Variants in ABI3BP observed in about 807,000 individuals in gnomAD.
ABI3BP encodes the protein ABI family member 3 binding protein, also known as target of Nesh-SH3.
Under a neutral mutation model 268.6 loss-of-function variants are expected in ABI3BP, and 216 were observed. The ratio of observed to expected loss-of-function variants is 0.80; its 90% CI spans 0.72 to 0.90. The LOEUF (loss-of-function observed/expected upper bound fraction) is 0.90, where lower values mean the gene tolerates loss of function less well. Among genes scored for constraint, ABI3BP ranks in the 40% least tolerant of loss-of-function variants. The probability of loss-of-function intolerance (pLI) is 0.00; values close to 1 mark genes in which losing one functional copy is unlikely to be tolerated. For synonymous variants in ABI3BP, 730 were observed against 730.0 expected (o/e 1.00, Z 0.00); for missense variants, 2,090 against 2,182.4 (o/e 0.96, Z 0.84).
At chr3:100,889,752 G>GGCC (rs368967322) in intron 4 of ABI3BP, among the ~76,000 whole-genome samples, 1 of 151,990 alleles carries the variant, frequency 6.6e-6, no homozygotes, top group African/African-American at 2.4e-5. Context: ...TCTGTGCTTG[G>GGCC]GCCACCTGAA....
At chr3:100,922,838 G>A (rs909189413) in intron 2 of ABI3BP, among the ~76,000 whole-genome samples, 1 of 152,170 alleles carries the variant, frequency 6.6e-6, no homozygotes, top group Non-Finnish European at 1.5e-5. Context: ...GTAGTAATTT[G>A]TTTTAGCAGC....
intron 35 of ABI3BP, among the ~76,000 whole-genome samples, 159 bp from the exon 36 acceptor site, chr3:100,825,100 A>G (rs13069634): frequency 0.15 from 23,313 of 152,036 alleles, 1,897 homozygotes; most frequent in East Asian, 0.26. Context: ...TCATTTTATC[A>G]TTGATGGTAC....
chr3:100,894,955 A>ACAG (rs2046783636), intron 4 of ABI3BP, among the ~76,000 whole-genome samples: 4 of 143,602 alleles, frequency 2.8e-5, no homozygotes, highest in Non-Finnish European at 6.1e-5. Context: ...AAAAAAAAAA[A>ACAG]AAAAAAAAAA....
Position 100,749,591 on chromosome 3 carries a change from C to CATTCATAGAGGTCTTAACG in ABI3BP, c.*885_*903dup. 5.0e-6 allele frequency: 2 copies of CATTCATAGAGGTCTTAACG among 398,188 alleles called. No homozygotes were observed. Among genetic ancestry groups the CATTCATAGAGGTCTTAACG allele is most frequent in the Non-Finnish European group, 8.9e-6 (2 of 225,562 alleles). 24.7% of individuals were successfully genotyped at this position (398,188 alleles called of 1,614,324 possible). A position where few individuals can be genotyped will look rare whatever the true frequency, so the allele number is the denominator to read the frequency against. The stretch of plus-strand genomic sequence containing the variant: ...TTACAAAGACATTCTCTGATACATT[C>CATTCATAGAGGTCTTAACG]ATTCATAGAGGTCTTAACGTATAAA... On this transcript the variant is annotated 3_prime_UTR_variant, in exon 68 of 68. Transcript: ENST00000471714.
At chr3:100,821,597 C>CTTTTTT (rs369631203) in intron 38 of ABI3BP, among the ~76,000 whole-genome samples, 8 of 119,148 alleles carry the variant, frequency 6.7e-5, no homozygotes, top group African/African-American at 1.7e-4. Flanking sequence ...TGAAGTAAGA[C>CTTTTTT]TTTTTTTTTT....
chr3:100,969,632 C>A (rs57335546), intron 1 of ABI3BP, among the ~76,000 whole-genome samples: 5,715 of 152,132 alleles, frequency 0.038, 259 homozygotes, highest in East Asian at 0.26. Context: ...CTTTAAATCT[C>A]GAGGCATAGC....
rs6777159 is a variant in ABI3BP, at chr3:100,834,482, C to T, written c.2281+202G>A. Among the ~76,000 whole-genome samples, 771 of 152,176 alleles carry T rather than the reference C, an allele frequency of 5.1e-3. 19 individuals are homozygous for T. The highest frequency in any genetic ancestry group is 0.046 in the Admixed American group (697 of 15,280). On this transcript the variant is annotated intron_variant, in intron 29 of 67. Transcript: ENST00000471714. ...GAATGTCAGAGAAGCAAGTAAAATT[C>T]CCAGGCACCAAGGAGGTCCTCACGC...
At position 100,799,618 on chromosome 3, in the gene ABI3BP, T is replaced by C. The variant is rs565705826; in HGVS notation, c.3758-3150A>G. ...TGCCACTGCAATGCCATTGCCAACCTTCTCTTCTTAGGCCTTTTCCTGCCT... is the reference window on the plus strand; with the variant it reads ...TGCCACTGCAATGCCATTGCCAACCCTCTCTTCTTAGGCCTTTTCCTGCCT... On this transcript the variant is annotated intron_variant, in intron 51 of 67. Transcript: ENST00000471714. 5.3e-5 allele frequency among the ~76,000 whole-genome samples: 8 copies of C among 152,162 alleles called. No homozygotes were observed. In the South Asian group the frequency reaches 1.7e-3, roughly 32 times the overall value.
intron 37 of ABI3BP, among the ~76,000 whole-genome samples, 174 bp downstream of exon 37, chr3:100,823,284 T>G (rs1337052635): frequency 1.3e-5 from 2 of 152,148 alleles, no homozygotes; most frequent in Non-Finnish European, 2.9e-5. Context: ...ATAAACGTCC[T>G]CAAGTAGATT....
intron 57 of ABI3BP, among the ~76,000 whole-genome samples, chr3:100,783,617 T>A (rs916188209): frequency 1.3e-5 from 2 of 152,032 alleles, no homozygotes; most frequent in Admixed American, 6.6e-5. Context: ...GCCCACAGAG[T>A]TGAAAACATT....
At chr3:100,771,627 G>C (rs1201791232) in intron 61 of ABI3BP, among the ~76,000 whole-genome samples, 1 of 152,096 alleles carries the variant, frequency 6.6e-6, no homozygotes, top group South Asian at 2.1e-4. Flanking sequence ...TAAGACAGAA[G>C]ATGCACTGGT....
intron 1 of ABI3BP, among the ~76,000 whole-genome samples, chr3:100,985,028 C>CCATCA (rs1298214564): frequency 7.9e-5 from 12 of 152,030 alleles, no homozygotes; most frequent in African/African-American, 2.9e-4. Context: ...CTAGTTGCTT[C>CCATCA]CATCACATCC....
intron 6 of ABI3BP, 120 bp from the exon 7 acceptor site, chr3:100,876,680 G>A: frequency 1.2e-6 from 1 of 833,642 alleles, no homozygotes; most frequent in South Asian, 1.6e-5. Context: ...CTGTGACACT[G>A]GTTTAATAGT....
chr3:100,926,681 C>T lies in ABI3BP; in HGVS notation c.80-200G>A, dbSNP rs142371166. On this transcript the variant is annotated intron_variant, in intron 1 of 67. Coordinates refer to ENST00000471714, the MANE Select transcript of ABI3BP (RefSeq NM_001375547.2). Reference sequence around the variant, plus strand: ...GAGCAGCCTAGAATAAAAAGTATATCTTACTGTTCAATACTTAGTAGTTTA... The same window carrying T: ...GAGCAGCCTAGAATAAAAAGTATATTTTACTGTTCAATACTTAGTAGTTTA... Among the ~76,000 whole-genome samples, 383 of 152,258 alleles carry T rather than the reference C, an allele frequency of 2.5e-3. 1 individual carries two copies. The highest frequency in any genetic ancestry group is 8.7e-3 in the African/African-American group (361 of 41,542).
At chr3:100,971,375 A>G (rs1371216319) in intron 1 of ABI3BP, among the ~76,000 whole-genome samples, 1 of 152,238 alleles carries the variant, frequency 6.6e-6, no homozygotes, top group African/African-American at 2.4e-5. Flanking sequence ...GCATCGGTAA[A>G]TAAAAAGCAA....
chr3:100,861,761 G>A (rs968765149), intron 14 of ABI3BP, among the ~76,000 whole-genome samples: 5 of 151,722 alleles, frequency 3.3e-5, no homozygotes, highest in Middle Eastern at 6.9e-3. Context: ...AAAAGTAGAG[G>A]AAAGTAGCCA....
intron 63 of ABI3BP, among the ~76,000 whole-genome samples, chr3:100,755,355 C>A (rs2095561409): frequency 1.3e-5 from 2 of 152,180 alleles, no homozygotes; most frequent in Non-Finnish European, 2.9e-5. Flanking sequence ...GGAATAGATA[C>A]ACATAAATGT....
At chr3:100,909,433 A>G (rs2055184719) in intron 2 of ABI3BP, among the ~76,000 whole-genome samples, 1 of 152,142 alleles carries the variant, frequency 6.6e-6, no homozygotes, top group Non-Finnish European at 1.5e-5. Context: ...TAAACTAAAG[A>G]GCTTCTTCTG....
intron 2 of ABI3BP, among the ~76,000 whole-genome samples, chr3:100,924,615 A>G (rs1301880663): frequency 6.6e-6 from 1 of 152,136 alleles, no homozygotes; most frequent in Non-Finnish European, 1.5e-5. Context: ...GGTTGTCTGA[A>G]ATTTCCTGTA....
Sources: allele counts gnomAD v4.1 joint callset (sites outside exome capture counted in the v4.1 genomes callset), GRCh38; gene constraint gnomAD v4.1.1; transcripts MANE v1.5; gene names NCBI Gene and HGNC (gene_info 2026-07-23, HGNC 2026-07-21).